The following METTL6 variants were observed in gnomAD, a reference collection of about 807,000 sequenced individuals.
METTL6 encodes tRNA N(3)-cytidine methyltransferase METTL6.
METTL6 carries 22 observed loss-of-function variants against 26.4 expected under a neutral mutation model. The ratio of observed to expected loss-of-function variants is 0.83; its 90% CI spans 0.59 to 1.19. The LOEUF (loss-of-function observed/expected upper bound fraction) is 1.19. METTL6 is among the 50% of genes most tolerant of loss of function. METTL6 has a pLI of 0.00. For missense variants in METTL6, 304 were observed against 324.8 expected, an observed-to-expected ratio of 0.94 and a Z score of 0.49; for synonymous variants, 109 against 116.2, an observed-to-expected ratio of 0.94 and a Z score of 0.40.
chr3:15,389,610 C>T (rs992389000), intron 6 of METTL6, among the ~76,000 whole-genome samples: 16 of 152,016 alleles, frequency 1.1e-4, no homozygotes, highest in African/African-American at 1.9e-4. Context: ...AGCGCAATGG[C>T]GCAATCTCGG....
chr3:15,412,147 C>A (rs1319809591), intron 5 of METTL6, among the ~76,000 whole-genome samples: 1 of 152,216 alleles, frequency 6.6e-6, no homozygotes, highest in East Asian at 1.9e-4. Flanking sequence ...CCTACAAGGT[C>A]TGCATGTGCT....
chr3:15,384,207 GA>G (rs1316370472), intron 6 of METTL6: 1 of 358,430 alleles, frequency 2.8e-6, no homozygotes, highest in African/African-American at 2.3e-5. Flanking sequence ...AAACAAAAAA[GA>G]GATAAAAGAA....
chr3:15,395,645 TC>T (rs1378317815), intron 6 of METTL6, among the ~76,000 whole-genome samples: 1 of 152,220 alleles, frequency 6.6e-6, no homozygotes, highest in Admixed American at 6.5e-5. Context: ...TACCGGTTGT[TC>T]CTTTCCATGT....
downstream of METTL6, among the ~76,000 whole-genome samples, chr3:15,405,984 T>C (rs546647942): frequency 2.6e-5 from 4 of 152,184 alleles, no homozygotes; most frequent in East Asian, 1.9e-4. Flanking sequence ...ATTAGCACTA[T>C]TGTATGGAGT....
In METTL6 at chr3:15,398,235, G is replaced by A. The variant is rs569730709; in HGVS notation, c.*11+13010C>T. Among the ~76,000 whole-genome samples, 23 of 151,160 alleles carry A rather than the reference G, an allele frequency of 1.5e-4. No individual in the cohort carries two copies. In the East Asian group the frequency reaches 1.7e-3, roughly 11 times the overall value. Reference sequence around the variant, plus strand: ...TTGAGACAGAGTCTTGCTCTGTTGCGCAGGCTGGAGTGCAGTGGAGTGATC... The same window carrying A: ...TTGAGACAGAGTCTTGCTCTGTTGCACAGGCTGGAGTGCAGTGGAGTGATC... On this transcript the variant is annotated intron_variant, in intron 6 of 6. Coordinates refer to the METTL6 transcript ENST00000443029.
chr3:15,395,528 T>C (rs1699463072), intron 6 of METTL6, among the ~76,000 whole-genome samples: 1 of 152,192 alleles, frequency 6.6e-6, no homozygotes, highest in African/African-American at 2.4e-5. Context: ...ATGTGTGAAT[T>C]TGATCCTGTC....
At chr3:15,425,619 T>C (rs549002264) in intron 2 of METTL6, among the ~76,000 whole-genome samples, 22 of 152,366 alleles carry the variant, frequency 1.4e-4, no homozygotes, top group African/African-American at 5.3e-4. Flanking sequence ...AGGGTCTCAC[T>C]ATGCTGCCTA....
At chr3:15,415,606 T>A (rs762320693) in intron 4 of METTL6, 166 bp downstream of exon 4, 1 of 1,608,516 alleles carries the variant, frequency 6.2e-7, no homozygotes, top group South Asian at 1.1e-5. Flanking sequence ...GAATTTAGGG[T>A]GGATGTTTTA....
chr3:15,423,174 T>C (rs1295778322), intron 3 of METTL6, among the ~76,000 whole-genome samples: 1 of 152,072 alleles, frequency 6.6e-6, no homozygotes, highest in Non-Finnish European at 1.5e-5. Flanking sequence ...GGCGGGTGGA[T>C]TACCTGAGGC....
chr3:15,390,273 CAA>C (rs1399299241), intron 6 of METTL6, among the ~76,000 whole-genome samples: 1 of 151,908 alleles, frequency 6.6e-6, no homozygotes, highest in Non-Finnish European at 1.5e-5. Flanking sequence ...ACTAAAAATA[CAA>C]AAGTTAGCTG....
At chr3:15,383,909 A>T (rs1233127463) in exon 7 of METTL6, 3 of 214,792 alleles carry the variant, frequency 1.4e-5, no homozygotes, top group Admixed American at 5.5e-5. Context: ...TATAAGACTG[A>T]ATACAGGAGA....
In METTL6 at chr3:15,410,096, T is replaced by A. The variant is rs562060893; in HGVS notation, c.*1160A>T. ...CTAAATTATGTTATTCTATAAAACT[T>A]TGACTACTTTTCAGGCCTTGAAATT... is the stretch of plus-strand genomic sequence containing the variant. On this transcript the variant is annotated 3_prime_UTR_variant, in exon 6 of 6. Transcript: ENST00000383790. Among the ~76,000 whole-genome samples the A allele has an allele frequency of 1.3e-5, 2 of 152,090 alleles. No individual in the cohort carries two copies. The highest frequency in any genetic ancestry group is 2.9e-5 in the Non-Finnish European group (2 of 68,026).
chr3:15,396,232 C>T (rs1170636994), intron 6 of METTL6, among the ~76,000 whole-genome samples: 1 of 152,124 alleles, frequency 6.6e-6, no homozygotes, highest in African/African-American at 2.4e-5. Flanking sequence ...CATTTCATTT[C>T]ATTCATTTGA....
At position 15,410,215 on chromosome 3, in the gene METTL6, C is replaced by T. The variant is rs949445709; in HGVS notation, c.*1041G>A. Among the ~76,000 whole-genome samples the T allele has an allele frequency of 6.6e-6, 1 of 152,022 alleles. No individual in the cohort carries two copies. The highest frequency in any genetic ancestry group is 1.5e-5 in the Non-Finnish European group (1 of 67,992). On this transcript the variant is annotated 3_prime_UTR_variant, in exon 6 of 6. Transcript: ENST00000383790. ...CCCCGTATCTGCGGGTGGTATGTTTCAAGACCCCCAGTGGTTGCCTGAAAC... is the reference window on the plus strand; with the variant it reads ...CCCCGTATCTGCGGGTGGTATGTTTTAAGACCCCCAGTGGTTGCCTGAAAC...
intron 6 of METTL6, among the ~76,000 whole-genome samples, chr3:15,402,256 C>T (rs1699667438): frequency 6.6e-6 from 1 of 152,096 alleles, no homozygotes; most frequent in Non-Finnish European, 1.5e-5. Flanking sequence ...ACAGTCTCTC[C>T]AAAAATTCAG....
At chr3:15,421,953 C>G (rs1448633898) in intron 3 of METTL6, among the ~76,000 whole-genome samples, 1 of 151,972 alleles carries the variant, frequency 6.6e-6, no homozygotes, top group African/African-American at 2.4e-5. Context: ...TTTGTAGAGA[C>G]AGAGTCATAC....
chr3:15,404,859 T>G (rs896242248), downstream of METTL6, among the ~76,000 whole-genome samples: 1 of 152,244 alleles, frequency 6.6e-6, no homozygotes, highest in East Asian at 1.9e-4. Context: ...TTCTTTTTAA[T>G]AGAACATTTG....
chr3:15,408,120 A>C (rs956014364), downstream of METTL6, among the ~76,000 whole-genome samples: 3 of 152,074 alleles, frequency 2.0e-5, no homozygotes, highest in Admixed American at 2.0e-4. Context: ...TTGTCCTTAA[A>C]CTTTTTTGGG....
At chr3:15,409,048 C>T (rs1575412508), downstream of METTL6, among the ~76,000 whole-genome samples, 1 of 152,192 alleles carries the variant, frequency 6.6e-6, no homozygotes, top group East Asian at 1.9e-4. Flanking sequence ...CATGAAGCCC[C>T]CTAAAGGTCC....
Sources: gnomAD v4.1 joint callset for allele counts (sites outside exome capture counted in the v4.1 genomes callset) on GRCh38, gnomAD v4.1.1 for gene constraint, MANE v1.5 for transcripts, NCBI Gene and HGNC (gene_info 2026-07-23, HGNC 2026-07-21) for gene names.